The following DNAH3 variants were observed in gnomAD, a reference collection of about 807,000 sequenced individuals.
The protein encoded by DNAH3 is axonemal beta dynein heavy chain 3.
In DNAH3, 332 loss-of-function variants were observed where a neutral mutation model predicts 432.5. That is an observed-to-expected ratio of 0.77 (90% CI 0.70 to 0.84). The LOEUF (loss-of-function observed/expected upper bound fraction) is 0.84, where lower values mean the gene tolerates loss of function less well. DNAH3 is among the 40% of genes least tolerant of loss of function. The probability of loss-of-function intolerance (pLI) is 0.00; values close to 1 mark genes in which losing one functional copy is unlikely to be tolerated. For missense variants in DNAH3, 4,861 were observed against 5,114.0 expected (o/e 0.95, Z 1.51); for synonymous variants, 1,956 against 1,900.2 (o/e 1.03, Z -0.76).
At position 21,019,870 on chromosome 16, in the gene DNAH3, CTAAAAG is replaced by C; in HGVS notation, c.5777-7_5777-2del. Reference sequence around the variant, plus strand: ...TCCTCTTCTACTGCCCTGATTTCATCTAAAAGTGAGAAAAGCGAATCTCAGGACAGA... The same window carrying C: ...TCCTCTTCTACTGCCCTGATTTCATCTGAGAAAAGCGAATCTCAGGACAGA... On this transcript the variant is annotated splice_acceptor_variant and splice_polypyrimidine_tract_variant and intron_variant, in intron 40 of 61. Coordinates refer to ENST00000261383, the Ensembl canonical transcript of DNAH3. LOFTEE classifies it high-confidence loss of function. The C allele has an allele frequency of 6.2e-7, 1 of 1,613,716 alleles. No individual in the cohort carries two copies. The highest frequency in any genetic ancestry group is 8.5e-7 in the Non-Finnish European group (1 of 1,179,762).
At chr16:21,085,248 T>C (rs139541484) in intron 19 of DNAH3, among the ~76,000 whole-genome samples, 163 of 151,496 alleles carry the variant, frequency 1.1e-3, no homozygotes, top group African/African-American at 3.7e-3. Context: ...AAAATTACAA[T>C]TAAAAAATAT....
chr16:20,988,220 TTTAAAC>T (rs896075417), intron 44 of DNAH3, among the ~76,000 whole-genome samples, 155 bp from the exon 45 acceptor site: 18 of 152,110 alleles, frequency 1.2e-4, no homozygotes, highest in African/African-American at 4.1e-4. Flanking sequence ...CTGCAGCAAA[TTTAAAC>T]TTAAATTAAT....
At chr16:21,063,045 C>T (rs76178045) in intron 24 of DNAH3, 17,741 of 184,180 alleles carry the variant, frequency 0.096, 1,023 homozygotes, top group South Asian at 0.19. Flanking sequence ...GACCAAGAAG[C>T]GATGGTTTTG....
intron 1 of DNAH3, among the ~76,000 whole-genome samples, chr16:21,156,145 G>C (rs1309021668): frequency 6.6e-6 from 1 of 151,586 alleles, no homozygotes; most frequent in Non-Finnish European, 1.5e-5. Flanking sequence ...GGGTAAGAGA[G>C]CTCTCTGGGA....
At chr16:20,936,137 A>AT (rs1423262442) in intron 60 of DNAH3, among the ~76,000 whole-genome samples, 2 of 151,152 alleles carry the variant, frequency 1.3e-5, no homozygotes, top group African/African-American at 4.9e-5. Flanking sequence ...AATCTATCTC[A>AT]TGAGCCACCA....
At chr16:21,024,560 C>T (rs1331208158) in intron 39 of DNAH3, 36 bp downstream of exon 39, 2 of 1,478,096 alleles carry the variant, frequency 1.4e-6, no homozygotes, top group East Asian at 4.7e-5. Flanking sequence ...AGCAGGGAGA[C>T]AGCAGGAGGG....
intron 5 of DNAH3, among the ~76,000 whole-genome samples, chr16:21,139,440 G>A (rs547596532): frequency 3.4e-5 from 5 of 147,648 alleles, no homozygotes; most frequent in East Asian, 4.0e-4. Flanking sequence ...GGGACCAAGG[G>A]ATAGGTTGTC....
At chr16:21,083,042 A>T (rs2091248881) in intron 19 of DNAH3, among the ~76,000 whole-genome samples, 1 of 144,930 alleles carries the variant, frequency 6.9e-6, no homozygotes, top group Admixed American at 7.0e-5. Flanking sequence ...TTTGAGAGAG[A>T]GTCTCGCTCT....
intron 61 of DNAH3, among the ~76,000 whole-genome samples, chr16:20,934,125 G>T (rs1033246012): frequency 1.1e-4 from 17 of 151,992 alleles, no homozygotes; most frequent in African/African-American, 3.1e-4. Context: ...ATAGGGAGGG[G>T]TGGGGATTAT....
intron 30 of DNAH3, 102 bp downstream of exon 30, chr16:21,049,808 G>A: frequency 7.6e-7 from 1 of 1,320,876 alleles, no homozygotes; most frequent in South Asian, 1.2e-5. Flanking sequence ...GGCCCATGCT[G>A]CCTGTTAATG....
At chr16:21,138,787 G>A (rs1204606206) in intron 5 of DNAH3, among the ~76,000 whole-genome samples, 4 of 149,076 alleles carry the variant, frequency 2.7e-5, no homozygotes, top group African/African-American at 9.9e-5. Context: ...TCTAGCCTGG[G>A]TAACAGAGCA....
chr16:21,010,101 A>G (rs1358094068), intron 41 of DNAH3, among the ~76,000 whole-genome samples: 1 of 152,118 alleles, frequency 6.6e-6, no homozygotes. Context: ...CACTACGGAG[A>G]GTGAGTGAGA....
intron 33 of DNAH3, 51 bp downstream of exon 33, chr16:21,039,801 A>T (rs747823679): frequency 1.5e-6 from 2 of 1,339,520 alleles, no homozygotes; most frequent in Admixed American, 1.7e-5. Context: ...CCACGCAAAA[A>T]GCCGCTATTT....
intron 31 of DNAH3, among the ~76,000 whole-genome samples, chr16:21,046,618 A>G (rs2152739220): frequency 6.6e-6 from 1 of 151,736 alleles, no homozygotes; most frequent in East Asian, 1.9e-4. Flanking sequence ...ATGGGTCTTG[A>G]CTCTTTATCC....
At chr16:21,082,078 A>G (rs1369988865) in intron 19 of DNAH3, among the ~76,000 whole-genome samples, 1 of 150,378 alleles carries the variant, frequency 6.6e-6, no homozygotes, top group East Asian at 2.0e-4. Context: ...TTTTAAATTT[A>G]TTGTAGAGAT....
chr16:20,994,831 T>C (rs1300899903), intron 44 of DNAH3, among the ~76,000 whole-genome samples: 1 of 151,960 alleles, frequency 6.6e-6, no homozygotes, highest in Admixed American at 6.6e-5. Flanking sequence ...TTCATCCATG[T>C]TGTAACATGT....
At chr16:20,965,138 C>A (rs139203532) in exon 53 of DNAH3, 14 of 1,614,058 alleles carry the variant, frequency 8.7e-6, no homozygotes, top group Admixed American at 1.7e-5. Flanking sequence ...ATCTGTGCAG[C>A]CAGCTTCCCC....
chr16:21,104,979 A>G (rs1242171883), intron 15 of DNAH3, among the ~76,000 whole-genome samples: 2 of 152,320 alleles, frequency 1.3e-5, no homozygotes, highest in South Asian at 2.1e-4. Context: ...TCCACAGTTC[A>G]AACTATTTCA....
At chr16:21,094,979 A>G (rs376563598) in intron 18 of DNAH3, among the ~76,000 whole-genome samples, 2 of 152,104 alleles carry the variant, frequency 1.3e-5, no homozygotes, top group East Asian at 3.9e-4. Context: ...TCCCCATCCA[A>G]GTGGAACTGT....
Sources: gnomAD v4.1 joint callset for allele counts (sites outside exome capture counted in the v4.1 genomes callset) on GRCh38, gnomAD v4.1.1 for gene constraint, MANE v1.5 for transcripts, NCBI Gene and HGNC (gene_info 2026-07-23, HGNC 2026-07-21) for gene names.